Variants in CNOT6L observed in about 807,000 individuals in gnomAD.
CNOT6L encodes the protein CCR4-NOT transcription complex subunit 6 like.
A neutral mutation model predicts 64.0 loss-of-function variants in CNOT6L; 7 were observed. The observed-to-expected ratio is 0.11, with a 90% CI of 0.06 to 0.21. The LOEUF (loss-of-function observed/expected upper bound fraction) is 0.21. CNOT6L is among the 10% of genes least tolerant of loss of function. CNOT6L has a pLI of 1.00. For missense variants in CNOT6L, 245 were observed against 669.0 expected, an observed-to-expected ratio of 0.37 and a Z score of 6.99; for synonymous variants, 193 against 243.4, an observed-to-expected ratio of 0.79 and a Z score of 1.93.
At chr4:77,799,951 T>C (rs1731324239) in intron 1 of CNOT6L, among the ~76,000 whole-genome samples, 1 of 152,150 alleles carries the variant, frequency 6.6e-6, no homozygotes, top group African/African-American at 2.4e-5. Context: ...AATTTCGGGC[T>C]CTGCCTCTCT....
chr4:77,766,266 AATAAT>A (rs1322072197), intron 4 of CNOT6L, among the ~76,000 whole-genome samples: 1 of 152,204 alleles, frequency 6.6e-6, no homozygotes, highest in Non-Finnish European at 1.5e-5. Context: ...TGATGAGAAA[AATAAT>A]ATAATCATCT....
chr4:77,720,601 C>T lies in CNOT6L; in HGVS notation c.1498G>A (p.Val500Met). 1 of 1,613,106 alleles carries T rather than the reference C, an allele frequency of 6.2e-7. No homozygotes were observed. Among genetic ancestry groups the T allele is most frequent in the Non-Finnish European group, 8.5e-7 (1 of 1,179,360 alleles). Residue 500 changes from valine to methionine, a missense_variant, in exon 12 of 12, where the codon GTG becomes ATG. Val to Met is a conservative substitution (Grantham distance 21, BLOSUM62 1). This residue lies in a region of CNOT6L where 20 missense variants were observed against 26.4 expected (regional missense o/e 0.76). Transcript: ENST00000504123. ...TCTAAAGGCCCCAGGACACCAAGCA[C>T]GTTCATATGAGTCTTGGAATAGAAA... ...YIFYSKTHMN[V>M]LGVLGPLDPQ...
intron 1 of CNOT6L, among the ~76,000 whole-genome samples, chr4:77,814,437 A>G (rs759449594): frequency 2.6e-5 from 4 of 152,162 alleles, no homozygotes; most frequent in African/African-American, 4.8e-5. Context: ...CCCAATTGAC[A>G]TTCCATTTTA....
chr4:77,755,727 G>C, intron 5 of CNOT6L, among the ~76,000 whole-genome samples: 1 of 151,996 alleles, frequency 6.6e-6, no homozygotes, highest in South Asian at 2.1e-4. Flanking sequence ...TTATGTGAAG[G>C]AGTGGGGAAG....
chr4:77,737,811 G>A (rs1241808231), intron 8 of CNOT6L, among the ~76,000 whole-genome samples: 1 of 152,008 alleles, frequency 6.6e-6, no homozygotes, highest in Non-Finnish European at 1.5e-5. Flanking sequence ...ATCTATATTC[G>A]AAAGGTACAG....
chr4:77,806,508 C>G (rs2110162243), intron 1 of CNOT6L, among the ~76,000 whole-genome samples: 1 of 152,044 alleles, frequency 6.6e-6, no homozygotes, highest in South Asian at 2.1e-4. Context: ...AATAGTAGTA[C>G]TGATAATTAT....
intron 4 of CNOT6L, among the ~76,000 whole-genome samples, chr4:77,762,811 G>T (rs1056351383): frequency 2.0e-5 from 3 of 152,092 alleles, no homozygotes; most frequent in Non-Finnish European, 2.9e-5. Context: ...ATTGACTTCA[G>T]CAGGCATAAA....
At position 77,774,636 on chromosome 4, in the gene CNOT6L, G is replaced by C. The variant is rs1727956783; in HGVS notation, c.208C>G (p.Arg70Gly). ...ALHLNDNYLS[R>G]IPPDIAKLHN... is the part of the protein sequence containing the mutation. ...AGCTTGGCAATATCAGGTGGAATGCGACTAAGGTAATTGTCATTTAGGTGC... is the reference window on the plus strand; with the variant it reads ...AGCTTGGCAATATCAGGTGGAATGCCACTAAGGTAATTGTCATTTAGGTGC... Residue 70 changes from arginine (R) to glycine (G), a missense_variant, in exon 3 of 12, where the codon CGC becomes GGC. Physicochemically the swap from Arg to Gly is moderately radical, Grantham distance 125. This residue lies in a region of CNOT6L where 78 missense variants were observed against 137.6 expected (regional missense o/e 0.57). Coordinates refer to ENST00000504123, the MANE Select transcript of CNOT6L (RefSeq NM_144571.3). The C allele has an allele frequency of 1.2e-6, 2 of 1,613,472 alleles. No homozygotes were observed. Among genetic ancestry groups the C allele is most frequent in the African/African-American group, 1.3e-5 (1 of 74,888 alleles).
chr4:77,793,426 G>T (rs1730407180), intron 1 of CNOT6L, among the ~76,000 whole-genome samples: 1 of 152,174 alleles, frequency 6.6e-6, no homozygotes, highest in African/African-American at 2.4e-5. Context: ...AGTTGGAGGT[G>T]CTTTAATTAT....
At chr4:77,726,411 CCT>C in intron 10 of CNOT6L, 42 bp from the exon 11 acceptor site, 10 of 1,499,792 alleles carry the variant, frequency 6.7e-6, no homozygotes, top group Non-Finnish European at 9.2e-6. Flanking sequence ...AGCATTTAGA[CCT>C]TACACAAGGC....
intron 10 of CNOT6L, 50 bp from the exon 11 acceptor site, chr4:77,726,419 A>G (rs778431465): frequency 3.5e-6 from 5 of 1,416,536 alleles, no homozygotes; most frequent in Non-Finnish European, 4.9e-6. Flanking sequence ...GACCTTACAC[A>G]AGGCTTCACA....
At chr4:77,806,102 G>A (rs1216531390) in intron 1 of CNOT6L, among the ~76,000 whole-genome samples, 2 of 152,008 alleles carry the variant, frequency 1.3e-5, no homozygotes, top group African/African-American at 4.8e-5. Context: ...CTCAACTGAT[G>A]GTGAATACCT....
chr4:77,812,091 CATTT>C (rs1412491160), intron 1 of CNOT6L, among the ~76,000 whole-genome samples: 2 of 152,134 alleles, frequency 1.3e-5, no homozygotes, highest in East Asian at 3.8e-4. Context: ...ATTGAAACTT[CATTT>C]GTTTGCAGGT....
At chr4:77,796,662 C>A (rs1314375876) in intron 1 of CNOT6L, among the ~76,000 whole-genome samples, 1 of 152,098 alleles carries the variant, frequency 6.6e-6, no homozygotes, top group Non-Finnish European at 1.5e-5. Context: ...AACAGAACTA[C>A]GTAATTTCAA....
chr4:77,727,638 T>C (rs1427574920), intron 10 of CNOT6L, among the ~76,000 whole-genome samples: 1 of 147,326 alleles, frequency 6.8e-6, no homozygotes, highest in Non-Finnish European at 1.5e-5. Flanking sequence ...AGTTCATAAG[T>C]AGCAAAATCA....
intron 1 of CNOT6L, among the ~76,000 whole-genome samples, chr4:77,816,570 C>T (rs1344461501): frequency 6.6e-6 from 1 of 152,136 alleles, no homozygotes; most frequent in African/African-American, 2.4e-5. Context: ...TCCCCCTCCC[C>T]ATCCTGTGAC....
At chr4:77,749,337 T>C (rs1395201015) in intron 5 of CNOT6L, among the ~76,000 whole-genome samples, 1 of 152,144 alleles carries the variant, frequency 6.6e-6, no homozygotes, top group Non-Finnish European at 1.5e-5. Flanking sequence ...ATCCAGCTTG[T>C]TCAACATACT....
intron 5 of CNOT6L, among the ~76,000 whole-genome samples, chr4:77,752,840 GAAGA>G (rs1320748206): frequency 6.6e-6 from 1 of 151,638 alleles, no homozygotes; most frequent in Non-Finnish European, 1.5e-5. Context: ...AAACCAGAAG[GAAGA>G]AATAAAGAAA....
intron 1 of CNOT6L, among the ~76,000 whole-genome samples, chr4:77,783,590 G>A (rs887295223): frequency 6.6e-6 from 1 of 152,094 alleles, no homozygotes; most frequent in African/African-American, 2.4e-5. Context: ...ATGAATAACC[G>A]ATAACCTCTG....
Sources: allele counts gnomAD v4.1 joint callset (sites outside exome capture counted in the v4.1 genomes callset), GRCh38; gene constraint gnomAD v4.1.1; regional missense constraint gnomAD v4.1.1; transcripts MANE v1.5; gene names NCBI Gene and HGNC (gene_info 2026-07-23, HGNC 2026-07-21).